The following SLIT3 variants were observed in gnomAD, a reference collection of about 807,000 sequenced individuals.
SLIT3 encodes the protein slit homolog 3 protein.
A neutral mutation model predicts 184.0 loss-of-function variants in SLIT3; 68 were observed. That is an observed-to-expected ratio of 0.37 (90% CI 0.30 to 0.45). SLIT3 has a LOEUF of 0.45. SLIT3 is among the 20% of genes least tolerant of loss of function. The probability of loss-of-function intolerance (pLI) is 1.00; values close to 1 mark genes in which losing one functional copy is unlikely to be tolerated. For synonymous variants in SLIT3, 831 were observed against 828.6 expected, an observed-to-expected ratio of 1.00 and a Z score of -0.05; for missense variants, 1,707 against 2,026.0, an observed-to-expected ratio of 0.84 and a Z score of 3.02.
At chr5:168,705,677 C>G (rs981675938) in intron 26 of SLIT3, among the ~76,000 whole-genome samples, 4 of 152,182 alleles carry the variant, frequency 2.6e-5, no homozygotes, top group Admixed American at 2.0e-4. Flanking sequence ...ATCTTGAGAA[C>G]AAAGTTCAAA....
intron 4 of SLIT3, among the ~76,000 whole-genome samples, chr5:169,175,349 C>T (rs986384235): frequency 9.2e-5 from 14 of 152,162 alleles, no homozygotes; most frequent in Admixed American, 2.0e-4. Flanking sequence ...TTCAAATCTG[C>T]GGTTTCCCCT....
intron 3 of SLIT3, among the ~76,000 whole-genome samples, chr5:169,203,351 G>GCACACA (rs36206656): frequency 0.033 from 4,860 of 147,442 alleles, 134 homozygotes; most frequent in African/African-American, 0.072. Context: ...ATGTGAATGT[G>GCACACA]CACACACACA....
intron 4 of SLIT3, among the ~76,000 whole-genome samples, chr5:169,027,689 G>A (rs993314691): frequency 2.6e-5 from 4 of 152,236 alleles, no homozygotes; most frequent in Non-Finnish European, 4.4e-5. Context: ...ACAGAAGGCC[G>A]AGGCAGGCGA....
chr5:169,007,398 G>C (rs1561603259), intron 4 of SLIT3, among the ~76,000 whole-genome samples: 1 of 152,190 alleles, frequency 6.6e-6, no homozygotes, highest in East Asian at 1.9e-4. Flanking sequence ...GCTCTGCCCT[G>C]ATCACCAAGG....
intron 6 of SLIT3, among the ~76,000 whole-genome samples, chr5:168,829,826 T>C (rs1471397569): frequency 3.3e-5 from 5 of 152,204 alleles, no homozygotes. Context: ...CAGGGGACGA[T>C]GTGCACAGAG....
intron 4 of SLIT3, among the ~76,000 whole-genome samples, chr5:169,089,019 CAAAAAAAAAAAAAAAAAAAAA>C (rs570118972): frequency 2.3e-4 from 6 of 25,542 alleles, no homozygotes; most frequent in Admixed American, 8.7e-4. Flanking sequence ...GACTCCATCT[CAAAAAAAAAAAAAAAAAAAAA>C]AAAAAAAAAA....
chr5:169,214,263 G>A (rs1034207856), intron 3 of SLIT3, among the ~76,000 whole-genome samples: 8 of 152,220 alleles, frequency 5.3e-5, no homozygotes, highest in Non-Finnish European at 1.0e-4. Flanking sequence ...CCATCAAGGG[G>A]GAAAGAAGAT....
intron 4 of SLIT3, among the ~76,000 whole-genome samples, chr5:168,899,123 A>G (rs1760781410): frequency 2.5e-5 from 2 of 80,860 alleles, no homozygotes; most frequent in Non-Finnish European, 7.3e-5. Flanking sequence ...CAGCTTTTCT[A>G]AATCATTTAT....
chr5:168,735,387 AGT>A (rs1763400889), intron 20 of SLIT3, among the ~76,000 whole-genome samples: 1 of 152,082 alleles, frequency 6.6e-6, no homozygotes, highest in South Asian at 2.1e-4. Context: ...TTTCCACTAG[AGT>A]CCTGGAGTGA....
At chr5:168,828,212 G>A (rs7707369) in intron 6 of SLIT3, among the ~76,000 whole-genome samples, 18,498 of 152,150 alleles carry the variant, frequency 0.12, 1,568 homozygotes, top group African/African-American at 0.24. Flanking sequence ...GATCAGTCCC[G>A]CTCTTTCTGG....
chr5:168,682,398 A>G (rs988980291), intron 32 of SLIT3, among the ~76,000 whole-genome samples: 2 of 152,206 alleles, frequency 1.3e-5, no homozygotes, highest in Non-Finnish European at 2.9e-5. Flanking sequence ...AGACTTGTGC[A>G]TTAGAATTAC....
At chr5:168,700,447 G>A (rs1762181470) in intron 27 of SLIT3, 135 bp downstream of exon 27, 2 of 669,660 alleles carry the variant, frequency 3.0e-6, no homozygotes, top group South Asian at 3.6e-5. Context: ...CCATGATTGT[G>A]AGGCTTCCCA....
chr5:168,815,834 C>T (rs978002992), intron 8 of SLIT3, among the ~76,000 whole-genome samples: 5 of 152,092 alleles, frequency 3.3e-5, no homozygotes, highest in African/African-American at 4.8e-5. Flanking sequence ...ATGCTGGGCC[C>T]GGTAAACCCT....
intron 4 of SLIT3, among the ~76,000 whole-genome samples, chr5:169,071,317 A>C (rs1758537154): frequency 6.6e-6 from 1 of 152,210 alleles, no homozygotes; most frequent in Non-Finnish European, 1.5e-5. Context: ...TATAAACAGA[A>C]GCAACCAATA....
chr5:169,123,771 G>A (rs1271263890), intron 4 of SLIT3, among the ~76,000 whole-genome samples: 1 of 152,272 alleles, frequency 6.6e-6, no homozygotes, highest in Middle Eastern at 3.4e-3. Context: ...AGGTGGAAGG[G>A]GTCCAGTCAG....
chr5:168,739,373 T>A (rs555605964), intron 20 of SLIT3, among the ~76,000 whole-genome samples: 2 of 152,114 alleles, frequency 1.3e-5, no homozygotes, highest in Non-Finnish European at 2.9e-5. Flanking sequence ...AGAACACCCA[T>A]AATTACCTGA....
intron 4 of SLIT3, among the ~76,000 whole-genome samples, chr5:169,057,498 G>A (rs937151500): frequency 5.9e-5 from 9 of 152,230 alleles, no homozygotes; most frequent in South Asian, 4.1e-4. Context: ...CAAAAGCAGC[G>A]TCTGAAAGTG....
chr5:169,212,068 G>T (rs1035807709), intron 3 of SLIT3, among the ~76,000 whole-genome samples: 1 of 152,184 alleles, frequency 6.6e-6, no homozygotes, highest in Non-Finnish European at 1.5e-5. Context: ...TGTGAATAGT[G>T]CTGCAATAAA....
Position 168,666,749 on chromosome 5 carries a change from A to C in SLIT3, c.4337-60T>G, listed in dbSNP as rs759962606. 4 of 1,611,586 alleles carry C rather than the reference A, an allele frequency of 2.5e-6. No individual in the cohort carries two copies. The African/African-American group carries it at 5.3e-5, about 22-fold the overall frequency. On this transcript the variant is annotated intron_variant, in intron 35 of 35. Transcript: ENST00000519560. ...CTAGGTGGCCAGCAGGACCATGAGCAGTTCCCAGGTAGGCTGCTTTGAAAT... is the reference window on the plus strand; with the variant it reads ...CTAGGTGGCCAGCAGGACCATGAGCCGTTCCCAGGTAGGCTGCTTTGAAAT...
Sources: allele counts gnomAD v4.1 joint callset (sites outside exome capture counted in the v4.1 genomes callset), GRCh38; gene constraint gnomAD v4.1.1; transcripts MANE v1.5; gene names NCBI Gene and HGNC (gene_info 2026-07-23, HGNC 2026-07-21).